MORC4: variants seen among roughly 807,000 people sequenced by gnomAD.
MORC4 encodes the protein MORC family CW-type zinc finger protein 4.
A neutral mutation model predicts 65.5 loss-of-function variants in MORC4; 22 were observed. That is an observed-to-expected ratio of 0.34 (90% CI 0.24 to 0.48). The LOEUF is 0.48. Among genes scored for constraint, MORC4 ranks in the 20% least tolerant of loss-of-function variants. The pLI, the probability that MORC4 is intolerant of heterozygous loss-of-function variation, is 0.99. For missense variants in MORC4, 624 were observed against 703.0 expected, an observed-to-expected ratio of 0.89 and a Z score of 1.27; for synonymous variants, 267 against 255.8, an observed-to-expected ratio of 1.04 and a Z score of -0.42.
At chrX:106,969,265 C>A (rs1440579629) in intron 9 of MORC4, among the ~76,000 whole-genome samples, 1 of 111,911 alleles carries the variant, frequency 8.9e-6, no homozygotes, top group Non-Finnish European at 1.9e-5. Context: ...TAAAGATGGT[C>A]TTTGAAACCA....
chrX:106,969,944 A>T (rs1934467555), intron 9 of MORC4, among the ~76,000 whole-genome samples: 1 of 112,070 alleles, frequency 8.9e-6, no homozygotes, highest in Non-Finnish European at 1.9e-5. Flanking sequence ...TCCAATCAAT[A>T]GAAAAAGAGG....
chrX:106,970,082 A>G (rs1311710330), intron 9 of MORC4, among the ~76,000 whole-genome samples: 1 of 111,808 alleles, frequency 8.9e-6, no homozygotes, highest in Non-Finnish European at 1.9e-5. Flanking sequence ...TCCTCAATAA[A>G]ACACTGGCAA....
intron 9 of MORC4, among the ~76,000 whole-genome samples, chrX:106,967,013 C>T (rs924900023): frequency 1.8e-5 from 2 of 112,001 alleles, no homozygotes; most frequent in Non-Finnish European, 3.8e-5. Flanking sequence ...AAGTAAGTCC[C>T]TGACCCCCGT....
rs776389436 is a variant in MORC4, at chrX:106,962,004, T to C, written c.1256+8A>G. On this transcript the variant is annotated splice_region_variant and intron_variant, in intron 10 of 16. Coordinates refer to ENST00000355610, the MANE Select transcript of MORC4 (RefSeq NM_024657.5). The stretch of plus-strand genomic sequence containing the variant: ...CTAATACATTCATATTCTGTATGTA[T>C]TACTTACGGTATTGGCCTGGCTACA... 22 of 1,149,558 alleles carry C rather than the reference T, an allele frequency of 1.9e-5. No homozygotes were observed. The highest frequency in any genetic ancestry group is 2.4e-4 in the Middle Eastern group (1 of 4,233). 94.7% of individuals were successfully genotyped at this position (1,149,558 alleles called of 1,213,427 possible). A position where few individuals can be genotyped will look rare whatever the true frequency, so the allele number is the denominator to read the frequency against.
intron 7 of MORC4, among the ~76,000 whole-genome samples, chrX:106,978,603 A>C (rs1408107366): frequency 9.1e-6 from 1 of 109,561 alleles, no homozygotes; most frequent in Non-Finnish European, 1.9e-5. Flanking sequence ...GATTATAAAA[A>C]CATCACACAC....
chrX:106,963,349 G>A (rs183739560), intron 9 of MORC4, among the ~76,000 whole-genome samples: 1 of 111,799 alleles, frequency 8.9e-6, no homozygotes, highest in Admixed American at 9.5e-5. Flanking sequence ...ACTTCCAGGA[G>A]AAGGCTTGGA....
rs1185578232 is a variant in MORC4, at chrX:106,999,988, A to AC, written c.-20dup. ...GGAGCATTTTTTTGGCCGCCACGGT[A>AC]CCCGTCTGCTGCCGCCGGACCCCTG... On this transcript the variant is annotated 5_prime_UTR_variant, in exon 1 of 17. Transcript: ENST00000355610. 1.3e-6 allele frequency: 1 copy of AC among 770,553 alleles called. No individual in the cohort carries two copies. Among genetic ancestry groups the AC allele is most frequent in the Non-Finnish European group, 1.6e-6 (1 of 621,270 alleles). The allele number at this position is 770,553 out of a possible 1,213,427, so 63.5% of individuals were successfully genotyped here. A position where few individuals can be genotyped will look rare whatever the true frequency, so the allele number is the denominator to read the frequency against.
At chrX:106,970,308 G>A (rs1035099552) in intron 9 of MORC4, among the ~76,000 whole-genome samples, 11 of 111,961 alleles carry the variant, frequency 9.8e-5, no homozygotes, top group African/African-American at 2.9e-4. Context: ...AAAAAACTAG[G>A]TATTGATGGA....
rs373809376 is a variant in MORC4, at chrX:106,942,593, C to A, written c.2298G>T (p.Gln766His). The change falls in exon 15 of 17, where the codon CAG becomes CAT. Residue 766 changes from glutamine (Q) to histidine (H), a missense_variant. Coordinates refer to ENST00000355610, the MANE Select transcript of MORC4 (RefSeq NM_024657.5). ...TTCTCTTCAATTCTTCCAGCTCTCT[C>A]TGGTTCTTCAACTTTGGTGTATTAT... ...EGHNTPKLKNQRELEELKRTT... is the reference protein window; with the variant it reads ...EGHNTPKLKNHRELEELKRTT... The A allele has an allele frequency of 8.3e-6, 10 of 1,209,682 alleles. No individual in the cohort carries two copies. In the African/African-American group the frequency reaches 1.6e-4, roughly 19 times the overall value.
In MORC4 at chrX:106,941,371, TGAGAGAGA is replaced by T. The variant is rs58310740; in HGVS notation, c.*100_*107del. On this transcript the variant is annotated 3_prime_UTR_variant, in exon 17 of 17. Transcript: ENST00000355610. The stretch of plus-strand genomic sequence containing the variant: ...TCTATATAAGGCATAAAGGTGAGGG[TGAGAGAGA>T]GAGAGAGAGAGAGAGAGAGAGAGAG... 0.15 allele frequency: 54,901 copies of T among 362,461 alleles called. 1,598 individuals carry two copies. Among genetic ancestry groups the T allele is most frequent in the South Asian group, 0.26 (4,154 of 16,101 alleles). The allele number at this position is 362,461 out of a possible 1,213,427, so 29.9% of individuals were successfully genotyped here. A position where few individuals can be genotyped will look rare whatever the true frequency, so the allele number is the denominator to read the frequency against.
intron 10 of MORC4, among the ~76,000 whole-genome samples, chrX:106,961,056 T>G (rs1238153805): frequency 9.0e-6 from 1 of 111,666 alleles, no homozygotes; most frequent in African/African-American, 3.3e-5. Context: ...GTCAATAAAT[T>G]CTACCTTTTC....
In MORC4 at chrX:106,978,121, G is replaced by A. The variant is rs1934661855; in HGVS notation, c.1015C>T (p.Arg339Ter). ...QFGIMMYHNNRLIKSFEKVGC... is the reference protein window; with the variant it reads ...QFGIMMYHNN ...ACCTTCTCAAAAGATTTTATGAGTC[G>A]GTTGTTATGATACATCATTATTCCA... Residue 339 changes from arginine (R) to a stop codon, truncating the protein, a stop_gained, in exon 8 of 17, where the codon CGA becomes TGA. Transcript: ENST00000355610. LOFTEE classifies it high-confidence loss of function. The A allele has an allele frequency of 8.3e-7, 1 of 1,208,122 alleles. No individual in the cohort carries two copies. The highest frequency in any genetic ancestry group is 3.0e-5 in the East Asian group (1 of 33,763).
intron 9 of MORC4, among the ~76,000 whole-genome samples, chrX:106,965,944 C>A (rs1934363246): frequency 8.9e-6 from 1 of 112,065 alleles, no homozygotes; most frequent in African/African-American, 3.2e-5. Context: ...CTTAGCAGAA[C>A]TGTCCTACAG....
chrX:106,965,680 A>G (rs1022641481), intron 9 of MORC4, among the ~76,000 whole-genome samples: 3 of 112,485 alleles, frequency 2.7e-5, no homozygotes, highest in Admixed American at 1.9e-4. Flanking sequence ...AAAAAAACCT[A>G]CATTGCCTTC....
chrX:106,972,398 T>A (rs1387365003), intron 9 of MORC4, among the ~76,000 whole-genome samples: 2 of 110,715 alleles, frequency 1.8e-5, no homozygotes, highest in Admixed American at 1.9e-4. Context: ...CAAACCACCA[T>A]GGCACGTGTA....
At chrX:106,941,710 A>G in intron 16 of MORC4, 78 bp from the exon 17 acceptor site, 5 of 1,002,953 alleles carry the variant, frequency 5.0e-6, no homozygotes, top group Non-Finnish European at 6.8e-6. Context: ...AGCCCCTTCA[A>G]AATGGAACCA....
rs1306609053 is a variant in MORC4 at position 106,985,260 on chromosome X, T to A, written c.527-17A>T. 1.8e-6 allele frequency: 2 copies of A among 1,102,089 alleles called. No individual in the cohort carries two copies. Among genetic ancestry groups the A allele is most frequent in the Non-Finnish European group, 1.2e-6 (1 of 819,786 alleles). The allele number at this position is 1,102,089 out of a possible 1,213,427, so 90.8% of individuals were successfully genotyped here. A position where few individuals can be genotyped will look rare whatever the true frequency, so the allele number is the denominator to read the frequency against. ...TCATTTTTTGTAAAATCAAATATAG[T>A]CAAAGAAAAAATAATATCTTAGGAT... On this transcript the variant is annotated splice_polypyrimidine_tract_variant and intron_variant, in intron 4 of 16. Transcript: ENST00000355610.
intron 8 of MORC4, among the ~76,000 whole-genome samples, chrX:106,977,719 A>G (rs1395191222): frequency 9.0e-6 from 1 of 111,469 alleles, no homozygotes; most frequent in African/African-American, 3.2e-5. Context: ...GTCTTCAACC[A>G]CCATATTTTA....
At position 106,961,998 on chromosome X, in the gene MORC4, T is replaced by C. The variant is rs1306508271; in HGVS notation, c.1256+14A>G. On this transcript the variant is annotated intron_variant, in intron 10 of 16. Transcript: ENST00000355610. ...TTACCCCTAATACATTCATATTCTG[T>C]ATGTATTACTTACGGTATTGGCCTG... 2 of 1,086,928 alleles carry C rather than the reference T, an allele frequency of 1.8e-6. No homozygotes were observed. The highest frequency in any genetic ancestry group is 6.0e-5 in the East Asian group (2 of 33,284). The allele number at this position is 1,086,928 out of a possible 1,213,427, so 89.6% of individuals were successfully genotyped here. A position where few individuals can be genotyped will look rare whatever the true frequency, so the allele number is the denominator to read the frequency against.
Sources: allele counts gnomAD v4.1 joint callset (sites outside exome capture counted in the v4.1 genomes callset), GRCh38; gene constraint gnomAD v4.1.1; transcripts MANE v1.5; gene names NCBI Gene and HGNC (gene_info 2026-07-23, HGNC 2026-07-21).